The following UBE2T variants were observed in gnomAD, a reference collection of about 807,000 sequenced individuals.
UBE2T encodes the protein ubiquitin-conjugating enzyme E2 T.
A neutral mutation model predicts 23.3 loss-of-function variants in UBE2T; 15 were observed. The ratio of observed to expected loss-of-function variants is 0.64; its 90% CI spans 0.43 to 0.99. The LOEUF (loss-of-function observed/expected upper bound fraction) is 0.99. Among genes scored for constraint, UBE2T ranks in the 50% least tolerant of loss-of-function variants. The pLI, the probability that UBE2T is intolerant of heterozygous loss-of-function variation, is 0.00. For synonymous variants in UBE2T, 67 were observed against 78.4 expected, an observed-to-expected ratio of 0.85 and a Z score of 0.77; for missense variants, 197 against 234.9, an observed-to-expected ratio of 0.84 and a Z score of 1.05.
At chr1:202,340,513 TAA>T (rs969338599) in intron 1 of UBE2T, among the ~76,000 whole-genome samples, 16 of 134,982 alleles carry the variant, frequency 1.2e-4, no homozygotes, top group East Asian at 2.1e-4. Context: ...GACCCTTTCT[TAA>T]AAAAAAAAAA....
chr1:202,332,679 C>T (rs1285553781), intron 6 of UBE2T, among the ~76,000 whole-genome samples: 4 of 151,618 alleles, frequency 2.6e-5, no homozygotes, highest in African/African-American at 9.7e-5. Flanking sequence ...GAGGCCGAGG[C>T]GGGCGGATCA....
intron 1 of UBE2T, among the ~76,000 whole-genome samples, chr1:202,337,554 T>C (rs535704601): frequency 7.2e-5 from 11 of 152,216 alleles, no homozygotes; most frequent in Admixed American, 6.5e-5. Context: ...TCAATTGTTC[T>C]AACATCATTT....
chr1:202,335,013 T>G lies in UBE2T; in HGVS notation c.155A>C (p.Lys52Thr). The G allele has an allele frequency of 6.2e-7, 1 of 1,612,832 alleles. No individual in the cohort carries two copies. The highest frequency in any genetic ancestry group is 8.5e-7 in the Non-Finnish European group (1 of 1,179,394). ...CCTCTCAGGAATGATAACTTCTAGC[T>G]TAAAAACACCTTTCTCATAAGGTGT... Reference protein sequence around the residue: ...ANTPYEKGVFKLEVIIPERYP... With the variant: ...ANTPYEKGVFTLEVIIPERYP... Residue 52 changes from lysine (K) to threonine (T), a missense_variant, in exon 3 of 7, where the codon AAG becomes ACG. Lys to Thr is a moderately conservative substitution (Grantham distance 78). Coordinates refer to ENST00000646651, the MANE Select transcript of UBE2T (RefSeq NM_014176.4). The surrounding 1 kb of genome is among the most constrained non-coding windows in gnomAD (Gnocchi z 4.0).
chr1:202,336,995 G>A (rs539494214), intron 1 of UBE2T, among the ~76,000 whole-genome samples: 18 of 152,158 alleles, frequency 1.2e-4, no homozygotes, highest in Non-Finnish European at 2.2e-4. Context: ...CCAGGCTGGA[G>A]TGCAGTGGTG....
At chr1:202,332,715 C>T (rs905257508) in intron 6 of UBE2T, among the ~76,000 whole-genome samples, 3 of 150,290 alleles carry the variant, frequency 2.0e-5, no homozygotes, top group Non-Finnish European at 3.0e-5. Flanking sequence ...GAGACCATCC[C>T]GGCTAAAACG....
At chr1:202,338,935 G>A (rs1034768640) in intron 1 of UBE2T, among the ~76,000 whole-genome samples, 19 of 151,790 alleles carry the variant, frequency 1.3e-4, no homozygotes, top group Admixed American at 2.0e-4. Context: ...TGGCATTCTT[G>A]TCAGATTTCT....
At chr1:202,340,995 A>G (rs1037642951) in intron 1 of UBE2T, among the ~76,000 whole-genome samples, 2 of 152,182 alleles carry the variant, frequency 1.3e-5, no homozygotes, top group Admixed American at 1.3e-4. Flanking sequence ...GCCACACTGC[A>G]CTATTCCTGC....
At chr1:202,341,577 CAAAAAAAAAAAAA>C (rs57598991) in intron 1 of UBE2T, among the ~76,000 whole-genome samples, 318 of 20,318 alleles carry the variant, frequency 0.016, 4 homozygotes, top group Non-Finnish European at 0.021. Flanking sequence ...GACTCCGTCT[CAAAAAAAAAAAAA>C]AAAAAAAAAA....
At chr1:202,332,445 C>A (rs77158968) in intron 6 of UBE2T, among the ~76,000 whole-genome samples, 3,551 of 152,256 alleles carry the variant, frequency 0.023, 63 homozygotes, top group Non-Finnish European at 0.034. Flanking sequence ...AAAAATTAAC[C>A]AGATGCTGCC....
At chr1:202,340,158 T>G (rs1274529900) in intron 1 of UBE2T, among the ~76,000 whole-genome samples, 1 of 150,356 alleles carries the variant, frequency 6.7e-6, no homozygotes, top group Non-Finnish European at 1.5e-5. Context: ...TACAGTGGGC[T>G]GAGATCGCGC....
intron 1 of UBE2T, among the ~76,000 whole-genome samples, chr1:202,340,072 C>A (rs1042557702): frequency 6.7e-6 from 1 of 149,958 alleles, no homozygotes; most frequent in Non-Finnish European, 1.5e-5. Context: ...TAGCCAGCTG[C>A]GGGGGTGGAG....
chr1:202,339,160 T>C (rs919008841), intron 1 of UBE2T, among the ~76,000 whole-genome samples: 4 of 148,772 alleles, frequency 2.7e-5, no homozygotes, highest in African/African-American at 9.9e-5. Context: ...AATAACTCCA[T>C]CTGATCCTGG....
At chr1:202,339,671 T>C (rs938276210) in intron 1 of UBE2T, among the ~76,000 whole-genome samples, 6 of 148,810 alleles carry the variant, frequency 4.0e-5, no homozygotes, top group African/African-American at 2.4e-5. Flanking sequence ...CATTATTCCC[T>C]AAACAATACA....
intron 3 of UBE2T, among the ~76,000 whole-genome samples, chr1:202,334,394 A>G (rs1252761126): frequency 5.3e-5 from 8 of 152,196 alleles, no homozygotes; most frequent in Non-Finnish European, 1.5e-5. Flanking sequence ...GGAGGGTGGG[A>G]GGACAGAGAA....
At chr1:202,337,590 CTGA>C (rs572160986) in intron 1 of UBE2T, among the ~76,000 whole-genome samples, 338 of 152,266 alleles carry the variant, frequency 2.2e-3, no homozygotes, top group African/African-American at 8.0e-3. Flanking sequence ...CCTTTCCCTG[CTGA>C]TATTACTATA....
intron 3 of UBE2T, among the ~76,000 whole-genome samples, chr1:202,333,908 T>C (rs1347779848): frequency 6.6e-6 from 1 of 152,160 alleles, no homozygotes; most frequent in Non-Finnish European, 1.5e-5. Context: ...ACTGTTCAGA[T>C]TTCAGTTGTT....
intron 1 of UBE2T, among the ~76,000 whole-genome samples, chr1:202,337,482 T>C (rs1654913923): frequency 1.3e-5 from 2 of 152,236 alleles, no homozygotes; most frequent in South Asian, 4.1e-4. Flanking sequence ...CACTAGGAAT[T>C]GAATTTTATG....
chr1:202,333,657 G>T, intron 3 of UBE2T, 102 bp from the exon 4 acceptor site: 1 of 1,087,424 alleles, frequency 9.2e-7, no homozygotes. Context: ...TTATAGAAAT[G>T]TCAGGGAGAC....
chr1:202,331,985 C>G (rs779370864), intron 6 of UBE2T, 25 bp from the exon 7 acceptor site: 94 of 1,611,828 alleles, frequency 5.8e-5, no homozygotes, highest in Non-Finnish European at 7.7e-5. Flanking sequence ...GGGTGAAACA[C>G]AGTAAGGTTC....
Sources: allele counts gnomAD v4.1 joint callset (sites outside exome capture counted in the v4.1 genomes callset), GRCh38; gene constraint gnomAD v4.1.1; non-coding constraint Gnocchi (gnomAD v3.1); transcripts MANE v1.5; gene names NCBI Gene and HGNC (gene_info 2026-07-23, HGNC 2026-07-21).